Variants in MRTFB observed in about 807,000 individuals in gnomAD.
MRTFB encodes myocardin related transcription factor B, also known as myocardin-related transcription factor B.
In MRTFB, 29 loss-of-function variants were observed where a neutral mutation model predicts 104.2. The observed-to-expected ratio is 0.28, with a 90% CI of 0.21 to 0.38. MRTFB has a LOEUF of 0.38. MRTFB is among the 10% of genes least tolerant of loss of function. The probability of loss-of-function intolerance (pLI) is 1.00; values close to 1 mark genes in which losing one functional copy is unlikely to be tolerated. For synonymous variants in MRTFB, 535 were observed against 519.5 expected, an observed-to-expected ratio of 1.03 and a Z score of -0.41; for missense variants, 1,270 against 1,341.6, an observed-to-expected ratio of 0.95 and a Z score of 0.83.
chr16:14,091,675 G>A (rs9930001), intron 2 of MRTFB, among the ~76,000 whole-genome samples: 8,096 of 152,102 alleles, frequency 0.053, 338 homozygotes, highest in African/African-American at 0.11. Context: ...AGATCGAAAC[G>A]ATCTGAGAAT....
chr16:14,171,082 G>A (rs781083447), intron 3 of MRTFB, among the ~76,000 whole-genome samples: 9 of 152,244 alleles, frequency 5.9e-5, no homozygotes, highest in Non-Finnish European at 1.3e-4. Flanking sequence ...CTTTTGACAA[G>A]CCCAACATCA....
the MRTFB span, among the ~76,000 whole-genome samples, chr16:13,995,553 T>C: frequency 2.0e-5 from 3 of 152,224 alleles, no homozygotes; most frequent in South Asian, 4.1e-4. Flanking sequence ...ATTCGTATAT[T>C]GAAGTGTATC....
At chr16:14,005,331 C>G in the MRTFB span, among the ~76,000 whole-genome samples, 8 of 152,238 alleles carry the variant, frequency 5.3e-5, no homozygotes, top group African/African-American at 1.9e-4. Context: ...TCAGGGAGTA[C>G]TGATTGATGG....
chr16:14,202,478 G>A (rs1424207655), intron 3 of MRTFB, among the ~76,000 whole-genome samples: 1 of 152,132 alleles, frequency 6.6e-6, no homozygotes, highest in Admixed American at 6.5e-5. Flanking sequence ...CTCAGAAGGA[G>A]ACCCTTCGTG....
intron 10 of MRTFB, 62 bp from the exon 11 acceptor site, chr16:14,245,466 G>T: frequency 7.0e-7 from 1 of 1,432,392 alleles, no homozygotes. Context: ...ATTGTTAATA[G>T]AAGCAATGTC....
the MRTFB span, among the ~76,000 whole-genome samples, chr16:13,998,112 G>A: frequency 0.35 from 52,640 of 152,130 alleles, 12,448 homozygotes; most frequent in African/African-American, 0.67. Context: ...CGTGCAGCAG[G>A]TTGGCTTAAT....
the MRTFB span, among the ~76,000 whole-genome samples, chr16:14,019,703 C>T: frequency 6.6e-6 from 1 of 152,112 alleles, no homozygotes. Flanking sequence ...TTCTGGAAAC[C>T]ATTTCTACAT....
At chr16:14,205,746 A>G (rs974405847) in intron 3 of MRTFB, among the ~76,000 whole-genome samples, 1 of 152,208 alleles carries the variant, frequency 6.6e-6, no homozygotes, top group South Asian at 2.1e-4. Context: ...TGAGGATTCT[A>G]TAGTTTGTAC....
intron 6 of MRTFB, chr16:14,214,780 A>T (rs2041344749): frequency 6.6e-6 from 1 of 152,216 alleles, no homozygotes; most frequent in African/African-American, 2.4e-5. Flanking sequence ...GTGGTAGAGA[A>T]CTTCGAAGCA....
At chr16:14,255,713 A>C (rs1430787389) in intron 15 of MRTFB, among the ~76,000 whole-genome samples, 1 of 152,146 alleles carries the variant, frequency 6.6e-6, no homozygotes, top group East Asian at 1.9e-4. Context: ...TAGGATCTCT[A>C]TGTTTTATTC....
chr16:14,119,814 A>C (rs1038909596), intron 2 of MRTFB, among the ~76,000 whole-genome samples: 1 of 152,208 alleles, frequency 6.6e-6, no homozygotes, highest in East Asian at 1.9e-4. Flanking sequence ...ATGGCCTCGC[A>C]TAGCAGCTTT....
chr16:14,227,966 A>T lies in MRTFB; in HGVS notation c.694-6180A>T, dbSNP rs560565141. Among the ~76,000 whole-genome samples, 16 of 152,230 alleles carry T rather than the reference A, an allele frequency of 1.1e-4. No individual in the cohort carries two copies. The South Asian group carries it at 3.1e-3, about 30-fold the overall frequency. ...CAGTCTATCTTAAAAAAAAAAAAAAAACAGGCAAAGGACTTGAATAGACAT... is the reference window on the plus strand; with the variant it reads ...CAGTCTATCTTAAAAAAAAAAAAAATACAGGCAAAGGACTTGAATAGACAT... On this transcript the variant is annotated intron_variant, in intron 8 of 16. Coordinates refer to ENST00000571589, the MANE Select transcript of MRTFB (RefSeq NM_001308142.2).
rs1185816405 is a variant in MRTFB, at chr16:14,266,232, T to C, written c.*4788T>C. On this transcript the variant is annotated 3_prime_UTR_variant, in exon 17 of 17. Transcript: ENST00000571589. ...AGATGTAGATATTTCTCTTATTGTT[T>C]TCATGTAAAATAGTATAGAGTTGTT... 1 of 152,256 alleles carries C rather than the reference T, an allele frequency of 6.6e-6. No individual in the cohort carries two copies. The highest frequency in any genetic ancestry group is 1.5e-5 in the Non-Finnish European group (1 of 68,040). 9.4% of individuals were successfully genotyped at this position (152,256 alleles called of 1,614,324 possible). A position where few individuals can be genotyped will look rare whatever the true frequency, so the allele number is the denominator to read the frequency against.
chr16:14,203,963 T>C (rs2040832078), intron 3 of MRTFB, among the ~76,000 whole-genome samples: 1 of 151,856 alleles, frequency 6.6e-6, no homozygotes, highest in Non-Finnish European at 1.5e-5. Context: ...GTTTTGTGTG[T>C]TTATTTGTTT....
intron 9 of MRTFB, among the ~76,000 whole-genome samples, chr16:14,237,167 C>T (rs950685798): frequency 2.0e-5 from 3 of 152,172 alleles, no homozygotes; most frequent in Admixed American, 6.5e-5. Context: ...TGTGGGTCAT[C>T]GGTGTATAAA....
At chr16:14,127,915 ATATATATATATATATTTTTTTTTTT>A (rs1475446487) in intron 2 of MRTFB, among the ~76,000 whole-genome samples, 35 of 48,904 alleles carry the variant, frequency 7.2e-4, no homozygotes, top group African/African-American at 3.6e-3. Flanking sequence ...ATATATATAT[ATATATATATATATATTTTTTTTTTT>A]TTTTTTTTTT....
intron 8 of MRTFB, among the ~76,000 whole-genome samples, chr16:14,226,413 C>G (rs1415050492): frequency 6.6e-6 from 1 of 152,070 alleles, no homozygotes; most frequent in Admixed American, 6.5e-5. Context: ...ACAAAGGTGC[C>G]AAGACCATCC....
At chr16:14,027,156 T>A in the MRTFB span, among the ~76,000 whole-genome samples, 1 of 152,134 alleles carries the variant, frequency 6.6e-6, no homozygotes, top group Non-Finnish European at 1.5e-5. Context: ...ACAACCCAAA[T>A]TTCCATCAAC....
At position 14,200,476 on chromosome 16, in the gene MRTFB, C is replaced by T. The variant is rs528893600; in HGVS notation, c.155-9767C>T. On this transcript the variant is annotated intron_variant, in intron 3 of 16. Transcript: ENST00000571589. ...GACATCCAGTAGCATCGTTTTTCCA[C>T]TTATTCTTTCGAGTCAGTGCAATCA... 2.5e-5 allele frequency: 41 copies of T among 1,610,638 alleles called. No individual in the cohort carries two copies. In the African/African-American group the frequency reaches 5.1e-4, roughly 20 times the overall value.
Sources: gnomAD v4.1 joint callset for allele counts (sites outside exome capture counted in the v4.1 genomes callset) on GRCh38, gnomAD v4.1.1 for gene constraint, MANE v1.5 for transcripts, NCBI Gene and HGNC (gene_info 2026-07-23, HGNC 2026-07-21) for gene names.